Variants in COLGALT2 observed in about 807,000 individuals in gnomAD.
COLGALT2 encodes collagen beta(1-O)galactosyltransferase 2, also known as procollagen galactosyltransferase 2.
Under a neutral mutation model 73.4 loss-of-function variants are expected in COLGALT2, and 49 were observed. The observed-to-expected ratio is 0.67, with a 90% CI of 0.53 to 0.85. COLGALT2 has a LOEUF of 0.85. Ranked by LOEUF, COLGALT2 falls within the 40% of genes least tolerant of loss-of-function variation. The pLI, the probability that COLGALT2 is intolerant of heterozygous loss-of-function variation, is 0.00. For synonymous variants in COLGALT2, 295 were observed against 307.6 expected (o/e 0.96, Z 0.43); for missense variants, 722 against 790.2 (o/e 0.91, Z 1.03).
At chr1:183,949,819 T>C (rs1670348988) in intron 8 of COLGALT2, among the ~76,000 whole-genome samples, 1 of 152,172 alleles carries the variant, frequency 6.6e-6, no homozygotes, top group African/African-American at 2.4e-5. Context: ...AAGAAAATAT[T>C]TGACAATTAC....
chr1:183,938,759 C>G lies in COLGALT2; in HGVS notation c.*2G>C. 2 of 1,614,030 alleles carry G rather than the reference C, an allele frequency of 1.2e-6. No homozygotes were observed. The highest frequency in any genetic ancestry group is 1.7e-6 in the Non-Finnish European group (2 of 1,179,962). On this transcript the variant is annotated 3_prime_UTR_variant, in exon 12 of 12. Coordinates refer to ENST00000361927, the MANE Select transcript of COLGALT2 (RefSeq NM_015101.4). The stretch of plus-strand genomic sequence containing the variant: ...GATGTGGGCCACACTCCCAGGGAGC[C>G]TTCATAGCTCATCCCTTGAAGGCAC...
At chr1:183,939,167 A>G (rs1670043865) in intron 11 of COLGALT2, 130 bp from the exon 12 acceptor site, 1 of 674,018 alleles carries the variant, frequency 1.5e-6, no homozygotes, top group South Asian at 2.1e-5. Context: ...GTCATTTGTG[A>G]AAAACTTTAG....
rs369842594 is a variant in COLGALT2, at chr1:184,031,817, A to ATCCCTCCTTCCTTCCT, written c.263+5277_263+5278insAGGAAGGAAGGAGGGA. ...TCTAGAACAGTGCCTCCATGAATGT[A>ATCCCTCCTTCCTTCCT]TCCTTCCTTCCTTCCTTCCTTCCTT... On this transcript the variant is annotated intron_variant, in intron 1 of 11. Transcript: ENST00000361927. Among the ~76,000 whole-genome samples the ATCCCTCCTTCCTTCCT allele has an allele frequency of 7.2e-5, 10 of 139,190 alleles. No individual in the cohort carries two copies. In the Admixed American group the frequency reaches 7.3e-4, roughly 10 times the overall value. 91.3% of individuals were successfully genotyped at this position (139,190 alleles called of 152,430 possible).
rs563241936 is a variant in COLGALT2, at chr1:183,965,652, G to A, written c.833-1632C>T. On this transcript the variant is annotated intron_variant, in intron 5 of 11. Transcript: ENST00000361927. ...AGAAAGCTCCAGAACAGACGTCTTC[G>A]CAAATATGCAAAAAAGGACATCTGA... Among the ~76,000 whole-genome samples the A allele has an allele frequency of 1.6e-4, 25 of 152,256 alleles. 2 individuals carry two copies. In the South Asian group the frequency reaches 4.6e-3, roughly 28 times the overall value.
chr1:183,956,345 C>A (rs1191664234), intron 6 of COLGALT2, among the ~76,000 whole-genome samples: 1 of 152,196 alleles, frequency 6.6e-6, no homozygotes, highest in Non-Finnish European at 1.5e-5. Flanking sequence ...TTGACACTTA[C>A]AGTCATATTT....
chr1:184,009,482 G>C (rs1256902765), intron 1 of COLGALT2, among the ~76,000 whole-genome samples: 1 of 152,140 alleles, frequency 6.6e-6, no homozygotes, highest in African/African-American at 2.4e-5. Flanking sequence ...GATTGTAAAT[G>C]GCAGCTCTTC....
intron 1 of COLGALT2, among the ~76,000 whole-genome samples, chr1:183,988,734 T>C (rs949678305): frequency 2.6e-5 from 4 of 152,226 alleles, no homozygotes; most frequent in Non-Finnish European, 5.9e-5. Context: ...TTTATTCATT[T>C]ATCAGTTAAT....
chr1:183,942,308 T>C (rs1246499194), intron 10 of COLGALT2, among the ~76,000 whole-genome samples: 2 of 151,664 alleles, frequency 1.3e-5, no homozygotes, highest in Non-Finnish European at 2.9e-5. Flanking sequence ...AAGTGTAAAA[T>C]ACATACCAGA....
At chr1:184,021,737 T>C (rs1414662356) in intron 1 of COLGALT2, among the ~76,000 whole-genome samples, 3 of 152,236 alleles carry the variant, frequency 2.0e-5, no homozygotes, top group Non-Finnish European at 4.4e-5. Context: ...CCCTTCACTA[T>C]GTATTTAATA....
chr1:183,989,260 G>A (rs931566128), intron 1 of COLGALT2, among the ~76,000 whole-genome samples: 3 of 152,226 alleles, frequency 2.0e-5, no homozygotes, highest in African/African-American at 4.8e-5. Context: ...CTCAGCAGAG[G>A]AGCTGGGTGG....
At chr1:183,989,379 A>C (rs1380601669) in intron 1 of COLGALT2, among the ~76,000 whole-genome samples, 11 of 152,330 alleles carry the variant, frequency 7.2e-5, no homozygotes, top group African/African-American at 2.6e-4. Context: ...CCTCTGAAAC[A>C]TGAGGTCATG....
chr1:183,945,724 C>G, intron 8 of COLGALT2, 160 bp from the exon 9 acceptor site: 1 of 770,588 alleles, frequency 1.3e-6, no homozygotes, highest in Non-Finnish European at 2.1e-6. Context: ...GCTAATGTGT[C>G]ACACTAGTAT....
At chr1:183,958,859 T>C (rs1292778888) in intron 6 of COLGALT2, among the ~76,000 whole-genome samples, 1 of 151,720 alleles carries the variant, frequency 6.6e-6, no homozygotes, top group African/African-American at 2.4e-5. Flanking sequence ...TATTTCTATT[T>C]TTTTAAAAAA....
chr1:183,955,935 G>A (rs1283327737), intron 6 of COLGALT2, among the ~76,000 whole-genome samples: 1 of 152,134 alleles, frequency 6.6e-6, no homozygotes, highest in Non-Finnish European at 1.5e-5. Context: ...GTGTGGTGCT[G>A]CTGCTCCACT....
At chr1:184,034,284 T>C (rs1213509075) in intron 1 of COLGALT2, among the ~76,000 whole-genome samples, 2 of 152,004 alleles carry the variant, frequency 1.3e-5, no homozygotes, top group African/African-American at 4.8e-5. Flanking sequence ...TTATCTTTTT[T>C]TTTTTTTTTG....
chr1:183,940,434 G>T, intron 11 of COLGALT2, 147 bp downstream of exon 11: 1 of 756,818 alleles, frequency 1.3e-6, no homozygotes, highest in African/African-American at 1.7e-5. Flanking sequence ...TAAATCACCT[G>T]AGTTAGGCTC....
downstream of COLGALT2, among the ~76,000 whole-genome samples, chr1:183,933,807 A>G (rs970378393): frequency 1.3e-5 from 2 of 152,232 alleles, no homozygotes; most frequent in African/African-American, 2.4e-5. Flanking sequence ...AGTTTACTAA[A>G]GCACCTGTTC....
chr1:183,969,512 T>G (rs895809805), intron 4 of COLGALT2, 39 bp from the exon 5 acceptor site: 5 of 1,541,188 alleles, frequency 3.2e-6, no homozygotes, highest in Non-Finnish European at 4.4e-6. Context: ...TTTTCTGATT[T>G]GAAGTCTTCA....
intron 6 of COLGALT2, among the ~76,000 whole-genome samples, chr1:183,957,773 T>C (rs942140210): frequency 4.2e-5 from 6 of 143,458 alleles, no homozygotes; most frequent in Non-Finnish European, 9.1e-5. Flanking sequence ...CACTTTTTTG[T>C]GGTGGTTTTT....
Sources: gnomAD v4.1 joint callset for allele counts (sites outside exome capture counted in the v4.1 genomes callset) on GRCh38, gnomAD v4.1.1 for gene constraint, MANE v1.5 for transcripts, NCBI Gene and HGNC (gene_info 2026-07-23, HGNC 2026-07-21) for gene names.